VSTM2B: variants seen among roughly 807,000 people sequenced by gnomAD.
VSTM2B encodes the protein V-set and transmembrane domain-containing protein 2B.
VSTM2B carries 24 observed loss-of-function variants against 24.0 expected under a neutral mutation model. That is an observed-to-expected ratio of 1.00 (90% CI 0.72 to 1.40). The LOEUF (loss-of-function observed/expected upper bound fraction) is 1.40, where lower values mean the gene tolerates loss of function less well. VSTM2B is among the 40% of genes most tolerant of loss of function. The probability of loss-of-function intolerance (pLI) is 0.00; values close to 1 mark genes in which losing one functional copy is unlikely to be tolerated. For missense variants in VSTM2B, 399 were observed against 416.4 expected (o/e 0.96, Z 0.36); for synonymous variants, 226 against 194.4 (o/e 1.16, Z -1.35).
Position 29,530,274 on chromosome 19 carries a change from C to G in VSTM2B, c.753C>G (p.Arg251=). The G allele has an allele frequency of 6.7e-7, 1 of 1,501,732 alleles. No individual in the cohort carries two copies. The highest frequency in any genetic ancestry group is 8.8e-7 in the Non-Finnish European group (1 of 1,132,826). The allele number at this position is 1,501,732 out of a possible 1,614,324, so 93.0% of individuals were successfully genotyped here. A position where few individuals can be genotyped will look rare whatever the true frequency, so the allele number is the denominator to read the frequency against. ...SPPSGQAVLL[R]QRHGSGTGRS... ...CATCGGGACAGGCGGTCCTGCTGCGCCAGAGGCACGGCTCGGGTAAGGGAT... is the reference window on the plus strand; with the variant it reads ...CATCGGGACAGGCGGTCCTGCTGCGGCAGAGGCACGGCTCGGGTAAGGGAT... Residue 251 remains arginine (R), a synonymous_variant, in exon 4 of 5, where the codon CGC becomes CGG. Coordinates refer to ENST00000335523, the MANE Select transcript of VSTM2B (RefSeq NM_001146339.2).
At chr19:29,557,699 CA>C (rs201120442) in intron 4 of VSTM2B, among the ~76,000 whole-genome samples, 12,942 of 98,278 alleles carry the variant, frequency 0.13, 592 homozygotes, top group East Asian at 0.25. Context: ...AACTCCATCT[CA>C]AAAAAAAAAA....
intron 4 of VSTM2B, among the ~76,000 whole-genome samples, chr19:29,540,945 A>G (rs1970005863): frequency 6.6e-6 from 1 of 152,148 alleles, no homozygotes; most frequent in African/African-American, 2.4e-5. Context: ...AAGACAGTTA[A>G]GAGTTGGCCA....
At chr19:29,550,072 G>A (rs1207120303) in intron 4 of VSTM2B, among the ~76,000 whole-genome samples, 9 of 152,188 alleles carry the variant, frequency 5.9e-5, no homozygotes, top group Non-Finnish European at 1.2e-4. Context: ...AGAGCTGAGG[G>A]GCCCCTATCC....
intron 4 of VSTM2B, among the ~76,000 whole-genome samples, chr19:29,538,348 C>T: frequency 6.6e-6 from 1 of 152,154 alleles, no homozygotes; most frequent in African/African-American, 2.4e-5. Flanking sequence ...AAGATGTTAG[C>T]TTAACACAGG....
At chr19:29,545,777 T>C (rs2145492240) in intron 4 of VSTM2B, among the ~76,000 whole-genome samples, 1 of 152,306 alleles carries the variant, frequency 6.6e-6, no homozygotes, top group East Asian at 1.9e-4. Context: ...TTGTGAGTCA[T>C]GAGTGCTATG....
At chr19:29,545,497 C>T (rs1394787003) in intron 4 of VSTM2B, among the ~76,000 whole-genome samples, 1 of 152,124 alleles carries the variant, frequency 6.6e-6, no homozygotes, top group African/African-American at 2.4e-5. Flanking sequence ...CCTGTAACCC[C>T]AGCTACTCAG....
At chr19:29,563,579 G>A (rs372626293) in intron 4 of VSTM2B, among the ~76,000 whole-genome samples, 3 of 152,254 alleles carry the variant, frequency 2.0e-5, no homozygotes, top group Admixed American at 2.0e-4. Flanking sequence ...TAATGACTTG[G>A]ACATTAGAGC....
chr19:29,542,355 G>A (rs1210905518), intron 4 of VSTM2B, among the ~76,000 whole-genome samples: 1 of 151,624 alleles, frequency 6.6e-6, no homozygotes, highest in South Asian at 2.1e-4. Flanking sequence ...GAACGAATGG[G>A]TGGGTAAGAA....
chr19:29,547,889 G>C (rs1189341947), intron 4 of VSTM2B, among the ~76,000 whole-genome samples: 1 of 152,126 alleles, frequency 6.6e-6, no homozygotes, highest in African/African-American at 2.4e-5. Flanking sequence ...AGATTGAAGT[G>C]GGGGGATGGG....
In VSTM2B at chr19:29,526,625, G is replaced by T. The variant is rs747090218; in HGVS notation, c.42G>T (p.Pro14=). 3 of 1,530,298 alleles carry T rather than the reference G, an allele frequency of 2.0e-6. No individual in the cohort carries two copies. Among genetic ancestry groups the T allele is most frequent in the Non-Finnish European group, 2.6e-6 (3 of 1,143,746 alleles). The allele number at this position is 1,530,298 out of a possible 1,614,324, so 94.8% of individuals were successfully genotyped here. A position where few individuals can be genotyped will look rare whatever the true frequency, so the allele number is the denominator to read the frequency against. ...GGCTCGGTGCCCTCGGATACCTGCCGCCTCTGCTGCTGCATGCCCTGCTGC... is the reference window on the plus strand; with the variant it reads ...GGCTCGGTGCCCTCGGATACCTGCCTCCTCTGCTGCTGCATGCCCTGCTGC... The part of the protein sequence containing the change: ...RNRLGALGYL[P]PLLLHALLLF... Residue 14 remains proline, a synonymous_variant, in exon 1 of 5, where the codon CCG becomes CCT. Coordinates refer to ENST00000335523, the MANE Select transcript of VSTM2B (RefSeq NM_001146339.2). The surrounding 1 kb of genome is among the most constrained non-coding windows in gnomAD (Gnocchi z 4.1).
intron 4 of VSTM2B, among the ~76,000 whole-genome samples, chr19:29,537,870 A>G: frequency 6.6e-6 from 1 of 151,932 alleles, no homozygotes; most frequent in East Asian, 1.9e-4. Context: ...TGCCCGCTAG[A>G]GACCGAGGCC....
intron 4 of VSTM2B, among the ~76,000 whole-genome samples, chr19:29,549,815 C>T (rs1209887441): frequency 3.3e-5 from 5 of 152,210 alleles, no homozygotes; most frequent in Non-Finnish European, 4.4e-5. Flanking sequence ...CCAGGAAGCT[C>T]GGAGACGGAG....
chr19:29,539,674 T>A (rs1271729817), intron 4 of VSTM2B, among the ~76,000 whole-genome samples: 1 of 152,232 alleles, frequency 6.6e-6, no homozygotes, highest in Non-Finnish European at 1.5e-5. Flanking sequence ...CATGTTCGCA[T>A]CCACCCCAGC....
In VSTM2B at chr19:29,539,297, C is replaced by T. The variant is rs116108926; in HGVS notation, c.769+9007C>T. Among the ~76,000 whole-genome samples the T allele has an allele frequency of 7.2e-3, 1,099 of 152,248 alleles. 10 individuals are homozygous for T. Among genetic ancestry groups the T allele is most frequent in the African/African-American group, 0.025 (1,042 of 41,528 alleles). ...TCGTGCTTCTTTGTCATATAGGCTG[C>T]TGCCAGTGGCGCGGGCACTGTGATG... On this transcript the variant is annotated intron_variant, in intron 4 of 4. Transcript: ENST00000335523.
At chr19:29,557,565 G>A (rs1220277657) in intron 4 of VSTM2B, among the ~76,000 whole-genome samples, 2 of 152,092 alleles carry the variant, frequency 1.3e-5, no homozygotes, top group African/African-American at 4.8e-5. Context: ...TGAGCGTGGT[G>A]GTGGATGCCT....
chr19:29,543,469 G>A (rs567364266), intron 4 of VSTM2B, among the ~76,000 whole-genome samples: 5 of 152,348 alleles, frequency 3.3e-5, no homozygotes, highest in South Asian at 2.1e-4. Context: ...ACCCAAAGGC[G>A]GATTGTAATG....
chr19:29,530,589 G>A (rs1969732279), intron 4 of VSTM2B, among the ~76,000 whole-genome samples: 1 of 152,132 alleles, frequency 6.6e-6, no homozygotes, highest in South Asian at 2.1e-4. Flanking sequence ...GACCTCTTTT[G>A]GGTTTGGAGA....
chr19:29,525,914 G>C (rs2145449977), upstream of VSTM2B, among the ~76,000 whole-genome samples: 2 of 151,158 alleles, frequency 1.3e-5, no homozygotes, highest in South Asian at 4.2e-4. Context: ...AGGGGAGGGC[G>C]GGGGCGATGC....
chr19:29,546,942 C>G lies in VSTM2B; in HGVS notation c.769+16652C>G, dbSNP rs541332957. On this transcript the variant is annotated intron_variant, in intron 4 of 4. Coordinates refer to ENST00000335523, the MANE Select transcript of VSTM2B (RefSeq NM_001146339.2). ...CCTTCCCTTGCAAGTAGCCAGGGGC[C>G]AGGGTCAGGCTGAGGCATTCATGGG... Among the ~76,000 whole-genome samples, 13 of 152,246 alleles carry G rather than the reference C, an allele frequency of 8.5e-5. 1 individual carries two copies. The highest frequency in any genetic ancestry group is 2.4e-4 in the African/African-American group (10 of 41,544).
Sources: allele counts gnomAD v4.1 joint callset (sites outside exome capture counted in the v4.1 genomes callset), GRCh38; gene constraint gnomAD v4.1.1; non-coding constraint Gnocchi (gnomAD v3.1); transcripts MANE v1.5; gene names NCBI Gene and HGNC (gene_info 2026-07-23, HGNC 2026-07-21).